Variants in ATXN1 observed in about 807,000 individuals in gnomAD.
The protein encoded by ATXN1 is ataxin 1.
ATXN1 carries 8 observed loss-of-function variants against 56.4 expected under a neutral mutation model. The ratio of observed to expected loss-of-function variants is 0.14; its 90% CI spans 0.08 to 0.26. The LOEUF is 0.26. Among genes scored for constraint, ATXN1 ranks in the 10% least tolerant of loss-of-function variants. The probability of loss-of-function intolerance (pLI) is 1.00; values close to 1 mark genes in which losing one functional copy is unlikely to be tolerated. For missense variants in ATXN1, 987 were observed against 1,106.5 expected (o/e 0.89, Z 1.53); for synonymous variants, 514 against 494.6 (o/e 1.04, Z -0.52).
chr6:16,455,794 A>G (rs1455327088), intron 6 of ATXN1, among the ~76,000 whole-genome samples: 1 of 152,208 alleles, frequency 6.6e-6, no homozygotes, highest in Non-Finnish European at 1.5e-5. Context: ...CCCGTCCTAC[A>G]AAAGGATTGT....
chr6:16,461,529 A>G (rs1405600339), intron 6 of ATXN1, among the ~76,000 whole-genome samples: 1 of 152,206 alleles, frequency 6.6e-6, no homozygotes. Context: ...TATCCTGGAG[A>G]GGACTGGCAG....
intron 2 of ATXN1, among the ~76,000 whole-genome samples, chr6:16,746,640 G>A (rs1443056747): frequency 2.0e-5 from 3 of 152,320 alleles, no homozygotes; most frequent in East Asian, 3.9e-4. Context: ...AGCAAGAACA[G>A]TAAAAAGGAG....
At chr6:16,513,452 AC>A (rs2113686245) in intron 5 of ATXN1, among the ~76,000 whole-genome samples, 1 of 152,314 alleles carries the variant, frequency 6.6e-6, no homozygotes, top group African/African-American at 2.4e-5. Context: ...GTTGACTTCC[AC>A]CTTTTCCCTG....
intron 6 of ATXN1, among the ~76,000 whole-genome samples, chr6:16,421,418 A>G (rs968921733): frequency 2.6e-5 from 4 of 152,170 alleles, no homozygotes; most frequent in African/African-American, 4.8e-5. Context: ...AATAATGACT[A>G]ATTTTTAAAT....
rs948687286 is a variant in ATXN1 at position 16,523,965 on chromosome 6, G to T, written c.-360-1277C>A. ...TAAAGACGCCTTTGCAGGTTTAAGA[G>T]AGGCTGTGAGGCAAAGCTATTCCAG... On this transcript the variant is annotated intron_variant, in intron 4 of 7. Transcript: ENST00000436367. Among the ~76,000 whole-genome samples the T allele has an allele frequency of 1.2e-4, 18 of 152,344 alleles. 1 individual carries two copies. The highest frequency in any genetic ancestry group is 7.7e-4 in the East Asian group (4 of 5,194).
chr6:16,371,215 A>G (rs767616922), intron 6 of ATXN1, among the ~76,000 whole-genome samples: 1 of 152,198 alleles, frequency 6.6e-6, no homozygotes, highest in Admixed American at 6.5e-5. Flanking sequence ...AATACTCACT[A>G]CACACAAATA....
chr6:16,745,612 C>T lies in ATXN1; in HGVS notation c.-615+7621G>A, dbSNP rs549953074. On this transcript the variant is annotated intron_variant, in intron 2 of 7. Transcript: ENST00000436367. ...TTATTATTGTAAGGTTTGGGCAATA[C>T]ATGTTTAAAAACATGGTATTTTTAT... 7.9e-5 allele frequency among the ~76,000 whole-genome samples: 12 copies of T among 152,306 alleles called. No individual in the cohort carries two copies. The South Asian group carries it at 2.3e-3, about 29-fold the overall frequency.
At chr6:16,526,559 G>A (rs1462851579) in intron 4 of ATXN1, among the ~76,000 whole-genome samples, 3 of 152,116 alleles carry the variant, frequency 2.0e-5, no homozygotes, top group African/African-American at 4.8e-5. Context: ...GAGGTCAGGA[G>A]GTCAAGACCA....
intron 4 of ATXN1, among the ~76,000 whole-genome samples, chr6:16,540,170 A>G (rs1761684839): frequency 6.6e-6 from 1 of 152,206 alleles, no homozygotes; most frequent in African/African-American, 2.4e-5. Context: ...ATCACCAATA[A>G]TAAACATTAT....
chr6:16,331,190 G>A (rs989178493), intron 6 of ATXN1, among the ~76,000 whole-genome samples: 2 of 152,052 alleles, frequency 1.3e-5, no homozygotes, highest in Non-Finnish European at 2.9e-5. Context: ...TAGTAGAGGC[G>A]GAGTTTCACC....
rs1326548528 is a variant in ATXN1, at chr6:16,299,906, AC to A, written c.*6422del. The A allele has an allele frequency of 1.3e-5, 2 of 152,664 alleles. No homozygotes were observed. Among genetic ancestry groups the A allele is most frequent in the Non-Finnish European group, 2.9e-5 (2 of 68,048 alleles). The allele number at this position is 152,664 out of a possible 1,614,324, so 9.5% of individuals were successfully genotyped here. ...TTCAAATGCACTAACTAAAGGATTT[AC>A]CCCACTCCTGGGCCAGAAAACTGAA... On this transcript the variant is annotated 3_prime_UTR_variant, in exon 8 of 8. Transcript: ENST00000436367.
intron 2 of ATXN1, among the ~76,000 whole-genome samples, chr6:16,729,384 G>C (rs1258062957): frequency 6.6e-6 from 1 of 152,182 alleles, no homozygotes. Flanking sequence ...GCGTTCGCTG[G>C]CTTTCTTTGA....
intron 2 of ATXN1, among the ~76,000 whole-genome samples, chr6:16,674,648 C>T (rs966663318): frequency 7.9e-5 from 12 of 151,900 alleles, no homozygotes; most frequent in East Asian, 1.9e-4. Flanking sequence ...TGAGCCACCA[C>T]GCCCTGCCTA....
chr6:16,387,994 C>T (rs1485030153), intron 6 of ATXN1, among the ~76,000 whole-genome samples: 1 of 152,132 alleles, frequency 6.6e-6, no homozygotes, highest in Non-Finnish European at 1.5e-5. Context: ...AGCAACTTAC[C>T]AGTCAGTGGA....
At chr6:16,357,440 T>C (rs1424769885) in intron 6 of ATXN1, among the ~76,000 whole-genome samples, 1 of 151,934 alleles carries the variant, frequency 6.6e-6, no homozygotes, top group East Asian at 1.9e-4. Flanking sequence ...CGGCTAATTT[T>C]TGTATTTTTG....
At chr6:16,382,835 A>T (rs1020820468) in intron 6 of ATXN1, among the ~76,000 whole-genome samples, 18 of 151,784 alleles carry the variant, frequency 1.2e-4, no homozygotes, top group East Asian at 7.7e-4. Flanking sequence ...AGCTAAAAAA[A>T]AAATAAATAA....
intron 6 of ATXN1, among the ~76,000 whole-genome samples, chr6:16,419,788 G>C (rs13214787): frequency 6.6e-6 from 1 of 152,316 alleles, no homozygotes; most frequent in East Asian, 1.9e-4. Context: ...GGAGGGGACA[G>C]AGCTGGCCAC....
At chr6:16,346,901 C>T (rs1241021926) in intron 6 of ATXN1, among the ~76,000 whole-genome samples, 1 of 152,232 alleles carries the variant, frequency 6.6e-6, no homozygotes, top group East Asian at 1.9e-4. Context: ...TGGGTGGGAA[C>T]CCGGGCTGCG....
At chr6:16,742,339 G>A (rs907109427) in intron 2 of ATXN1, among the ~76,000 whole-genome samples, 1 of 152,170 alleles carries the variant, frequency 6.6e-6, no homozygotes, top group African/African-American at 2.4e-5. Context: ...AGTCTGGGTT[G>A]CAGTGACCCA....
Sources: allele counts gnomAD v4.1 joint callset (sites outside exome capture counted in the v4.1 genomes callset), GRCh38; gene constraint gnomAD v4.1.1; transcripts MANE v1.5; gene names NCBI Gene and HGNC (gene_info 2026-07-23, HGNC 2026-07-21).